Variants in COL14A1 observed in about 807,000 individuals in gnomAD.
COL14A1 encodes collagen alpha-1(XIV) chain.
In COL14A1, 136 loss-of-function variants were observed where a neutral mutation model predicts 230.3. That is an observed-to-expected ratio of 0.59 (90% confidence interval 0.51 to 0.68). COL14A1 has a LOEUF of 0.68. Ranked by LOEUF, COL14A1 falls within the 30% of genes least tolerant of loss-of-function variation. The pLI is 0.00. For synonymous variants in COL14A1, 792 were observed against 784.1 expected, an observed-to-expected ratio of 1.01 and a Z score of -0.17; for missense variants, 1,976 against 2,215.8, an observed-to-expected ratio of 0.89 and a Z score of 2.17.
intron 26 of COL14A1, among the ~76,000 whole-genome samples, chr8:120,273,615 A>G (rs1819742283): frequency 6.6e-6 from 1 of 151,830 alleles, no homozygotes; most frequent in Admixed American, 6.6e-5. Flanking sequence ...AGACATTACA[A>G]CCAACACCAC....
At chr8:120,185,917 C>A (rs564108085) in intron 5 of COL14A1, among the ~76,000 whole-genome samples, 1 of 152,098 alleles carries the variant, frequency 6.6e-6, no homozygotes, top group East Asian at 1.9e-4. Context: ...GGGTTACTGA[C>A]GCCTGCCACC....
chr8:120,338,511 A>C (rs1366766942), intron 42 of COL14A1, among the ~76,000 whole-genome samples: 2 of 152,202 alleles, frequency 1.3e-5, no homozygotes, highest in African/African-American at 2.4e-5. Context: ...GGAATAATAT[A>C]GGGTTGTTAT....
chr8:120,168,380 G>A lies in COL14A1; in HGVS notation c.436+133G>A, dbSNP rs1006377048. The A allele has an allele frequency of 6.8e-6, 4 of 590,402 alleles. No individual in the cohort carries two copies. In the African/African-American group the frequency reaches 7.4e-5, roughly 11 times the overall value. The allele number at this position is 590,402 out of a possible 1,614,324, so 36.6% of individuals were successfully genotyped here. A position where few individuals can be genotyped will look rare whatever the true frequency, so the allele number is the denominator to read the frequency against. On this transcript the variant is annotated intron_variant, in intron 5 of 47. Coordinates refer to ENST00000297848, the MANE Select transcript of COL14A1 (RefSeq NM_021110.4). ...TACGAAGATCGCCTGTGGCCTCTTTGTACTCTTCCTTCCTTTCCCACACAA... is the reference window on the plus strand; with the variant it reads ...TACGAAGATCGCCTGTGGCCTCTTTATACTCTTCCTTCCTTTCCCACACAA...
chr8:120,321,750 C>T (rs1010938532), intron 40 of COL14A1, among the ~76,000 whole-genome samples: 6 of 152,204 alleles, frequency 3.9e-5, no homozygotes, highest in Admixed American at 1.3e-4. Flanking sequence ...CCTTCAGCGT[C>T]GGCACTTGCA....
At chr8:120,141,384 A>T (rs1026684930) in intron 1 of COL14A1, among the ~76,000 whole-genome samples, 1 of 152,040 alleles carries the variant, frequency 6.6e-6, no homozygotes, top group African/African-American at 2.4e-5. Context: ...TTCTACAAAA[A>T]ATTTTTAAAA....
chr8:120,345,523 C>T lies in COL14A1; in HGVS notation c.5037C>T (p.Phe1679=), dbSNP rs767814150. 3 of 1,573,042 alleles carry T rather than the reference C, an allele frequency of 1.9e-6. No individual in the cohort carries two copies. The highest frequency in any genetic ancestry group is 1.2e-5 in the South Asian group (1 of 84,260). ...GEQGPPGTPG[F]PGNAGVPGTP... ...AAGGACCCCCAGGCACACCAGGCTT[C>T]CCCGGAAATGCAGGCGTGCCAGGGA... Residue 1679 remains phenylalanine, a synonymous_variant, in exon 45 of 48, where the codon TTC becomes TTT. Transcript: ENST00000297848.
rs561292442 is a variant in COL14A1 at position 120,344,270 on chromosome 8, G to T, written c.4889-1105G>T. On this transcript the variant is annotated intron_variant, in intron 44 of 47. Coordinates refer to ENST00000297848, the MANE Select transcript of COL14A1 (RefSeq NM_021110.4). ...GCCTTACACTACTTCAGTTTTCTCTGGGATCCTTATTGTATTCCTTCAGCT... is the reference window on the plus strand; with the variant it reads ...GCCTTACACTACTTCAGTTTTCTCTTGGATCCTTATTGTATTCCTTCAGCT... Among the ~76,000 whole-genome samples, 110 of 152,294 alleles carry T rather than the reference G, an allele frequency of 7.2e-4. 1 individual carries two copies. Among genetic ancestry groups the T allele is most frequent in the African/African-American group, 2.5e-3 (104 of 41,552 alleles).
At chr8:120,194,774 A>C (rs763532365) in intron 5 of COL14A1, among the ~76,000 whole-genome samples, 34 of 152,224 alleles carry the variant, frequency 2.2e-4, no homozygotes, top group Non-Finnish European at 4.6e-4. Context: ...AAAAGAAAGA[A>C]AACTACTCTC....
chr8:120,131,213 A>G (rs1361614286), intron 1 of COL14A1, among the ~76,000 whole-genome samples: 1 of 152,142 alleles, frequency 6.6e-6, no homozygotes. Context: ...AGAATTATTT[A>G]TATTCCTTTG....
chr8:120,280,144 G>A (rs1819991906), intron 29 of COL14A1, 45 bp downstream of exon 29: 10 of 1,604,702 alleles, frequency 6.2e-6, no homozygotes, highest in Non-Finnish European at 8.5e-6. Context: ...CTTAACAGCT[G>A]AAATATTTGA....
At chr8:120,226,885 A>G (rs2130805438) in intron 16 of COL14A1, 119 bp downstream of exon 16, 2 of 927,198 alleles carry the variant, frequency 2.2e-6, no homozygotes, top group East Asian at 2.6e-5. Flanking sequence ...AGTATTTTAC[A>G]TGGCTTGGAG....
At chr8:120,325,211 C>A (rs1479424818) in intron 40 of COL14A1, among the ~76,000 whole-genome samples, 2 of 152,148 alleles carry the variant, frequency 1.3e-5, no homozygotes, top group East Asian at 1.9e-4. Flanking sequence ...TTTTTAAAAA[C>A]AAATTATAAA....
In COL14A1 at chr8:120,243,985, G is replaced by C; in HGVS notation, c.2456G>C (p.Ser819Thr). The change falls in exon 20 of 48, where the codon AGC (serine) becomes ACC (threonine). Residue 819 changes from serine to threonine, a missense_variant. Around this residue, in one of 3 missense-constraint regions of COL14A1, gnomAD observed 1,791 missense variants for 2,019.5 expected, o/e 0.89. Coordinates refer to ENST00000297848, the MANE Select transcript of COL14A1 (RefSeq NM_021110.4). The stretch of plus-strand genomic sequence containing the variant: ...ATCTACACGGATGGCGAAGGCGTCA[G>C]CGTCTCCGCTCCTGGAAAAACCTGT... ...TPIYTDGEGV[S>T]VSAPGKTLPS... 1 of 1,612,944 alleles carries C rather than the reference G, an allele frequency of 6.2e-7. No individual in the cohort carries two copies. Among genetic ancestry groups the C allele is most frequent in the Non-Finnish European group, 8.5e-7 (1 of 1,179,434 alleles).
chr8:120,254,126 A>G (rs1819062714), intron 22 of COL14A1, among the ~76,000 whole-genome samples: 1 of 152,098 alleles, frequency 6.6e-6, no homozygotes, highest in Admixed American at 6.5e-5. Context: ...AGGTATTTTT[A>G]TTTTGTGAGT....
chr8:120,317,206 A>G lies in COL14A1; in HGVS notation c.4659+1209A>G, dbSNP rs187044972. On this transcript the variant is annotated intron_variant, in intron 40 of 47. Coordinates refer to ENST00000297848, the MANE Select transcript of COL14A1 (RefSeq NM_021110.4). ...TGTTTTGGGTCGAACTTACTAGGTT[A>G]GCAAACAATTGACTTGAGCACCCAC... 1.1e-4 allele frequency among the ~76,000 whole-genome samples: 16 copies of G among 152,342 alleles called. No individual in the cohort carries two copies. In the East Asian group the frequency reaches 3.1e-3, roughly 29 times the overall value.
intron 1 of COL14A1, among the ~76,000 whole-genome samples, chr8:120,146,808 A>G (rs1219260931): frequency 6.6e-6 from 1 of 152,128 alleles, no homozygotes; most frequent in Non-Finnish European, 1.5e-5. Context: ...CTGGGAAATG[A>G]ATAAACGAAT....
At chr8:120,308,507 C>T (rs1022549717) in intron 36 of COL14A1, among the ~76,000 whole-genome samples, 1 of 152,174 alleles carries the variant, frequency 6.6e-6, no homozygotes, top group African/African-American at 2.4e-5. Context: ...AAAACATACA[C>T]AGCAAATAAT....
chr8:120,130,028 C>T (rs1814476880), intron 1 of COL14A1, among the ~76,000 whole-genome samples: 1 of 152,268 alleles, frequency 6.6e-6, no homozygotes, highest in African/African-American at 2.4e-5. Flanking sequence ...CATCAGAGGC[C>T]TGGTTGGTGA....
intron 22 of COL14A1, among the ~76,000 whole-genome samples, 194 bp downstream of exon 22, chr8:120,250,960 A>G (rs1818928615): frequency 6.6e-6 from 1 of 152,144 alleles, no homozygotes; most frequent in African/African-American, 2.4e-5. Flanking sequence ...GGCACAAGAC[A>G]CCATGCCCAG....
Sources: allele counts gnomAD v4.1 joint callset (sites outside exome capture counted in the v4.1 genomes callset), GRCh38; gene constraint gnomAD v4.1.1; regional missense constraint gnomAD v4.1.1; transcripts MANE v1.5; gene names NCBI Gene and HGNC (gene_info 2026-07-23, HGNC 2026-07-21).